The following ASCC2 variants were observed in gnomAD, a reference collection of about 807,000 sequenced individuals.
ASCC2 encodes the protein ASC-1 complex subunit P100.
ASCC2 carries 42 observed loss-of-function variants against 93.5 expected under a neutral mutation model. The ratio of observed to expected loss-of-function variants is 0.45; its 90% CI spans 0.35 to 0.58. ASCC2 has a LOEUF of 0.58. Ranked by LOEUF, ASCC2 falls within the 20% of genes least tolerant of loss-of-function variation. ASCC2 has a pLI of 0.00. For synonymous variants in ASCC2, 364 were observed against 384.2 expected (o/e 0.95, Z 0.62); for missense variants, 859 against 977.6 (o/e 0.88, Z 1.62).
chr22:29,802,602 C>A (rs753123525), intron 13 of ASCC2, among the ~76,000 whole-genome samples: 7 of 151,168 alleles, frequency 4.6e-5, no homozygotes, highest in Non-Finnish European at 7.4e-5. Context: ...GGAGTTAGAC[C>A]AGCCTGAGCA....
chr22:29,811,847 A>C (rs2060311302), intron 8 of ASCC2, among the ~76,000 whole-genome samples: 2 of 152,370 alleles, frequency 1.3e-5, no homozygotes, highest in South Asian at 4.1e-4. Context: ...GAAAATGCCT[A>C]TGATAAGCGA....
chr22:29,818,403 TACACACACAC>T (rs35685093), intron 5 of ASCC2, among the ~76,000 whole-genome samples: 2,229 of 107,298 alleles, frequency 0.021, 61 homozygotes, highest in South Asian at 0.04. Context: ...ACTCCCTGCC[TACACACACAC>T]ACACACACAC....
At chr22:29,790,380 G>T in intron 19 of ASCC2, 89 bp downstream of exon 19, 1 of 1,293,212 alleles carries the variant, frequency 7.7e-7, no homozygotes, top group East Asian at 2.4e-5. Context: ...GAGCACTTAG[G>T]GTGTACGTGT....
rs562884003 is a variant in ASCC2 at position 29,837,290 on chromosome 22, G to A, written c.-18+888C>T. Among the ~76,000 whole-genome samples the A allele has an allele frequency of 2.6e-5, 4 of 152,154 alleles. No individual in the cohort carries two copies. The South Asian group carries it at 8.3e-4, about 32-fold the overall frequency. On this transcript the variant is annotated intron_variant, in intron 1 of 19. Transcript: ENST00000307790. The stretch of plus-strand genomic sequence containing the variant: ...CCGAAAAAAAAAAAAAAAATTAGCA[G>A]GGCGTGGTGGTGCATGCCTGTAATC...
At chr22:29,829,373 A>C (rs2062833662) in intron 2 of ASCC2, among the ~76,000 whole-genome samples, 1 of 152,090 alleles carries the variant, frequency 6.6e-6, no homozygotes. Context: ...AGTCTATAGA[A>C]CACCACCTGG....
chr22:29,813,261 G>A (rs575930831), intron 8 of ASCC2, among the ~76,000 whole-genome samples, 169 bp downstream of exon 8: 3 of 152,180 alleles, frequency 2.0e-5, no homozygotes, highest in South Asian at 2.1e-4. Flanking sequence ...AAATGCAGGC[G>A]CCACACAAGC....
chr22:29,824,126 C>T (rs1007826470), intron 4 of ASCC2, among the ~76,000 whole-genome samples: 1 of 151,874 alleles, frequency 6.6e-6, no homozygotes, highest in Non-Finnish European at 1.5e-5. Context: ...GAGTTTGAGG[C>T]TGCAGGAAGC....
intron 6 of ASCC2, chr22:29,815,296 T>TA (rs1015645104): frequency 1.1e-4 from 17 of 148,788 alleles, no homozygotes; most frequent in Admixed American, 2.0e-4. Flanking sequence ...GACCCTGTCT[T>TA]AAAAAAAAAA....
At chr22:29,814,532 AG>A (rs1281832395) in intron 7 of ASCC2, 124 bp downstream of exon 7, 1 of 660,596 alleles carries the variant, frequency 1.5e-6, no homozygotes, top group African/African-American at 1.9e-5. Flanking sequence ...TGCTGGAGGA[AG>A]GGGCCCTGGG....
chr22:29,813,974 T>A (rs185034027), intron 7 of ASCC2, among the ~76,000 whole-genome samples: 1 of 152,228 alleles, frequency 6.6e-6, no homozygotes, highest in Admixed American at 6.5e-5. Context: ...TTACACACTT[T>A]CCTGGTTCTC....
Position 29,827,158 on chromosome 22 carries a change from CCTT to C in ASCC2, c.82-1381_82-1379del, listed in dbSNP as rs199613127. Among the ~76,000 whole-genome samples, 1,471 of 150,200 alleles carry C rather than the reference CCTT, an allele frequency of 9.8e-3. 24 individuals are homozygous for C. The highest frequency in any genetic ancestry group is 0.035 in the African/African-American group (1,417 of 40,896). On this transcript the variant is annotated intron_variant, in intron 2 of 19. Coordinates refer to ENST00000307790, the MANE Select transcript of ASCC2 (RefSeq NM_032204.5). ...AACAATTTGTCTGGGTCTGTTCTTT[CCTT>C]TTTTTTTGTTTTTTATTTTTTTGTA...
intron 5 of ASCC2, chr22:29,821,888 AC>A: frequency 4.6e-6 from 2 of 431,652 alleles, no homozygotes; most frequent in Middle Eastern, 8.5e-4. Flanking sequence ...AGTCCCAGGT[AC>A]CTGGGAGGCT....
chr22:29,802,343 TTTGTC>T (rs1351925608), intron 13 of ASCC2, 135 bp from the exon 14 acceptor site: 4 of 820,524 alleles, frequency 4.9e-6, no homozygotes, highest in Non-Finnish European at 5.6e-6. Flanking sequence ...CTGTGGGAAC[TTTGTC>T]AAGTGACTCA....
Position 29,806,288 on chromosome 22 carries a change from A to T in ASCC2, c.1088T>A (p.Phe363Tyr), listed in dbSNP as rs2059666442. The change falls in exon 12 of 20, where the codon TTC (phenylalanine) becomes TAC (tyrosine). Residue 363 changes from phenylalanine (F) to tyrosine (Y), a missense_variant and splice_region_variant. Transcript: ENST00000307790. ...GAAGAGTGCATCATAGTCCCGGAGG[A>T]ACCTGCAGGCAGATGAGAGCAGATG... ...IFSSLLQEKR[F>Y]LRDYDALFPV... The T allele has an allele frequency of 2.1e-5, 34 of 1,614,138 alleles. No homozygotes were observed. Among genetic ancestry groups the T allele is most frequent in the Non-Finnish European group, 2.9e-5 (34 of 1,180,008 alleles).
chr22:29,835,592 C>G (rs1216347362), intron 1 of ASCC2, among the ~76,000 whole-genome samples: 1 of 152,116 alleles, frequency 6.6e-6, no homozygotes, highest in African/African-American at 2.4e-5. Flanking sequence ...TCCCTAACCT[C>G]TCTAACTTTT....
chr22:29,788,821 G>C lies in ASCC2; in HGVS notation c.*192C>G. ...ACGGATTCTTCGGCTGTGGCATAAG[G>C]CACTGTGTGTTCTGCAGGAAGGCGC... is the stretch of plus-strand genomic sequence containing the variant. On this transcript the variant is annotated 3_prime_UTR_variant, in exon 20 of 20. Coordinates refer to ENST00000307790, the MANE Select transcript of ASCC2 (RefSeq NM_032204.5). 1.5e-6 allele frequency: 1 copy of C among 645,220 alleles called. No individual in the cohort carries two copies. 40.0% of individuals were successfully genotyped at this position (645,220 alleles called of 1,614,324 possible).
chr22:29,799,792 T>A (rs1291327992), intron 15 of ASCC2, among the ~76,000 whole-genome samples: 1 of 152,140 alleles, frequency 6.6e-6, no homozygotes, highest in African/African-American at 2.4e-5. Flanking sequence ...TGAACTCTCT[T>A]ATTTTTTTTT....
intron 18 of ASCC2, among the ~76,000 whole-genome samples, chr22:29,791,608 G>C (rs1162857811): frequency 1.3e-5 from 2 of 152,186 alleles, no homozygotes; most frequent in African/African-American, 2.4e-5. Flanking sequence ...TTGAATCCGG[G>C]AGGTGGAGGT....
intron 15 of ASCC2, among the ~76,000 whole-genome samples, chr22:29,800,045 C>A (rs2058898501): frequency 6.6e-6 from 1 of 152,220 alleles, no homozygotes; most frequent in Non-Finnish European, 1.5e-5. Context: ...GCCTTGGCCT[C>A]CCAAAGTGCT....
Sources: allele counts gnomAD v4.1 joint callset (sites outside exome capture counted in the v4.1 genomes callset), GRCh38; gene constraint gnomAD v4.1.1; transcripts MANE v1.5; gene names NCBI Gene and HGNC (gene_info 2026-07-23, HGNC 2026-07-21).